FAM135B: variants seen among roughly 807,000 people sequenced by gnomAD.
FAM135B encodes the protein protein FAM135B.
FAM135B carries 43 observed loss-of-function variants against 127.7 expected under a neutral mutation model. That is an observed-to-expected ratio of 0.34 (90% CI 0.26 to 0.43). The LOEUF (loss-of-function observed/expected upper bound fraction) is 0.43. FAM135B is among the 20% of genes least tolerant of loss of function. FAM135B has a pLI of 1.00. For missense variants in FAM135B, 1,558 were observed against 1,725.6 expected (o/e 0.90, Z 1.72); for synonymous variants, 670 against 665.1 (o/e 1.01, Z -0.11).
At chr8:138,135,721 T>G (rs1184124832) in intron 19 of FAM135B, among the ~76,000 whole-genome samples, 2 of 152,270 alleles carry the variant, frequency 1.3e-5, no homozygotes, top group East Asian at 3.9e-4. Flanking sequence ...AGTTTACACA[T>G]GCAAAGTCTT....
intron 1 of FAM135B, among the ~76,000 whole-genome samples, chr8:138,376,400 C>G (rs922355871): frequency 1.3e-5 from 2 of 152,186 alleles, no homozygotes; most frequent in Admixed American, 1.3e-4. Context: ...CCCACCTCTT[C>G]CATGTGCCTC....
At chr8:138,360,732 G>A (rs144356329) in intron 2 of FAM135B, among the ~76,000 whole-genome samples, 176 of 152,268 alleles carry the variant, frequency 1.2e-3, no homozygotes, top group Non-Finnish European at 2.0e-3. Flanking sequence ...TAGTTGGTCT[G>A]GAGGATGAAA....
intron 11 of FAM135B, among the ~76,000 whole-genome samples, chr8:138,175,250 C>CT (rs1814339226): frequency 1.3e-5 from 2 of 152,162 alleles, no homozygotes; most frequent in Admixed American, 6.5e-5. Context: ...GGACTGGTCC[C>CT]TACTGCCCTC....
intron 12 of FAM135B, among the ~76,000 whole-genome samples, chr8:138,155,807 A>T (rs201668682): frequency 6.6e-6 from 1 of 152,192 alleles, no homozygotes; most frequent in Non-Finnish European, 1.5e-5. Context: ...AAGTCCTTAG[A>T]GACCTACAAA....
intron 2 of FAM135B, among the ~76,000 whole-genome samples, chr8:138,349,879 T>A (rs1829663755): frequency 6.6e-6 from 1 of 152,214 alleles, no homozygotes; most frequent in Non-Finnish European, 1.5e-5. Flanking sequence ...CCTGCCATAG[T>A]GTTCCCTCAG....
At position 138,497,018 on chromosome 8, in the gene FAM135B, G is replaced by C. The variant is rs1815424880; in HGVS notation, c.-367C>G. The stretch of plus-strand genomic sequence containing the variant: ...GACGCGAGGCTGTCAGCGCGGTCGG[G>C]GGAACGCAGCCGCCAGCGCCGCAAG... On this transcript the variant is annotated 5_prime_UTR_variant, in exon 1 of 20. Coordinates refer to ENST00000395297, the MANE Select transcript of FAM135B (RefSeq NM_015912.4). 6.6e-6 allele frequency among the ~76,000 whole-genome samples: 1 copy of C among 151,954 alleles called. No homozygotes were observed. Among genetic ancestry groups the C allele is most frequent in the African/African-American group, 2.4e-5 (1 of 41,426 alleles).
chr8:138,276,018 G>T (rs1298840724), intron 3 of FAM135B, among the ~76,000 whole-genome samples: 1 of 152,140 alleles, frequency 6.6e-6, no homozygotes, highest in Non-Finnish European at 1.5e-5. Flanking sequence ...TCTATTTCCC[G>T]CTATGTCCTC....
chr8:138,252,993 G>T (rs1821813643), intron 5 of FAM135B, among the ~76,000 whole-genome samples: 1 of 152,142 alleles, frequency 6.6e-6, no homozygotes, highest in East Asian at 1.9e-4. Context: ...TAGAGATGGG[G>T]TTTCACCATG....
intron 1 of FAM135B, among the ~76,000 whole-genome samples, chr8:138,380,929 A>G (rs1380386037): frequency 1.3e-5 from 2 of 151,978 alleles, no homozygotes; most frequent in African/African-American, 4.8e-5. Context: ...GAGATCACAG[A>G]GCTCAGGCCC....
intron 1 of FAM135B, among the ~76,000 whole-genome samples, chr8:138,415,922 T>C (rs1454646674): frequency 1.3e-5 from 2 of 152,208 alleles, no homozygotes; most frequent in Non-Finnish European, 2.9e-5. Context: ...ATTCTACTTC[T>C]TTGGCATAGC....
chr8:138,463,072 A>G (rs969649723), intron 1 of FAM135B, among the ~76,000 whole-genome samples: 6 of 152,242 alleles, frequency 3.9e-5, no homozygotes, highest in African/African-American at 9.6e-5. Flanking sequence ...CCACCAGCAC[A>G]TCTGTGTTAA....
intron 3 of FAM135B, among the ~76,000 whole-genome samples, chr8:138,306,099 C>A (rs1440023782): frequency 6.6e-6 from 1 of 152,168 alleles, no homozygotes. Flanking sequence ...GCATAACTAG[C>A]TGTTGGCAAG....
chr8:138,484,476 G>A (rs1209881915), intron 1 of FAM135B, among the ~76,000 whole-genome samples: 1 of 152,180 alleles, frequency 6.6e-6, no homozygotes, highest in African/African-American at 2.4e-5. Flanking sequence ...AGCTTCTGGC[G>A]ACTGTGTGAC....
intron 10 of FAM135B, among the ~76,000 whole-genome samples, chr8:138,178,089 A>G (rs964116098): frequency 3.3e-5 from 5 of 151,888 alleles, no homozygotes; most frequent in African/African-American, 9.7e-5. Flanking sequence ...TACTAAAAAT[A>G]CAAAAAAAAT....
chr8:138,200,723 T>C (rs1160800778), intron 7 of FAM135B, among the ~76,000 whole-genome samples: 3 of 152,228 alleles, frequency 2.0e-5, no homozygotes, highest in Non-Finnish European at 4.4e-5. Flanking sequence ...TATATGTGTG[T>C]ATGTCTTGAA....
At chr8:138,384,786 C>T (rs969438639) in intron 1 of FAM135B, among the ~76,000 whole-genome samples, 1 of 152,064 alleles carries the variant, frequency 6.6e-6, no homozygotes, top group Non-Finnish European at 1.5e-5. Context: ...AATTGGTCAC[C>T]TCCTGACTCC....
rs759993575 is a variant in FAM135B, at chr8:138,442,237, CATATATATATATATATAT to C, written c.-20+54416_-20+54433del. Among the ~76,000 whole-genome samples, 301 of 51,936 alleles carry C rather than the reference CATATATATATATATATAT, an allele frequency of 5.8e-3. 27 individuals are homozygous for C. The highest frequency in any genetic ancestry group is 0.012 in the South Asian group (12 of 1,000). The allele number at this position is 51,936 out of a possible 152,430, so 34.1% of individuals were successfully genotyped here. A position where few individuals can be genotyped will look rare whatever the true frequency, so the allele number is the denominator to read the frequency against. On this transcript the variant is annotated intron_variant, in intron 1 of 19. Transcript: ENST00000395297. ...AATTTAACGTGAAGAATATGGACAC[CATATATATATATATATAT>C]ATATATATATATATATATATATGAA...
intron 7 of FAM135B, among the ~76,000 whole-genome samples, chr8:138,237,247 G>A (rs1032414522): frequency 2.1e-5 from 3 of 143,142 alleles, no homozygotes; most frequent in African/African-American, 5.2e-5. Context: ...TGCAACCTCC[G>A]CCTCCAGGGT....
chr8:138,197,071 GCA>G (rs200489499), intron 8 of FAM135B, among the ~76,000 whole-genome samples: 7,574 of 142,286 alleles, frequency 0.053, 435 homozygotes, highest in African/African-American at 0.15. Flanking sequence ...ATATATGTAT[GCA>G]TATGTGTGTG....
Sources: allele counts gnomAD v4.1 joint callset (sites outside exome capture counted in the v4.1 genomes callset), GRCh38; gene constraint gnomAD v4.1.1; transcripts MANE v1.5; gene names NCBI Gene and HGNC (gene_info 2026-07-23, HGNC 2026-07-21).